Variants in TDRD5 observed in about 807,000 individuals in gnomAD.
TDRD5 encodes tudor domain-containing protein 5.
A neutral mutation model predicts 120.6 loss-of-function variants in TDRD5; 41 were observed. That is an observed-to-expected ratio of 0.34 (90% confidence interval 0.26 to 0.44). TDRD5 has a LOEUF of 0.44. Ranked by LOEUF, TDRD5 falls within the 20% of genes least tolerant of loss-of-function variation. The pLI is 1.00. For synonymous variants in TDRD5, 430 were observed against 433.7 expected (o/e 0.99, Z 0.11); for missense variants, 1,006 against 1,221.2 (o/e 0.82, Z 2.63).
chr1:179,595,595 A>G (rs1675345809), intron 3 of TDRD5, 33 bp from the exon 4 acceptor site: 6 of 1,520,200 alleles, frequency 3.9e-6, no homozygotes, highest in African/African-American at 1.4e-5. Context: ...TGCTAGTGAC[A>G]ATTTTTCTTT....
intron 6 of TDRD5, among the ~76,000 whole-genome samples, chr1:179,630,133 G>A (rs1677354299): frequency 6.6e-6 from 1 of 152,092 alleles, no homozygotes; most frequent in Admixed American, 6.5e-5. Context: ...GAGTAGCTGG[G>A]ACTACAGGTG....
Position 179,639,719 on chromosome 1 carries a change from G to A in TDRD5, c.1521-120G>A, listed in dbSNP as rs541851682. The A allele has an allele frequency of 3.5e-5, 36 of 1,020,642 alleles. No homozygotes were observed. In the African/African-American group the frequency reaches 4.7e-4, roughly 13 times the overall value. The allele number at this position is 1,020,642 out of a possible 1,614,324, so 63.2% of individuals were successfully genotyped here. On this transcript the variant is annotated intron_variant, in intron 9 of 17. Coordinates refer to ENST00000444136, the MANE Select transcript of TDRD5 (RefSeq NM_001199085.3). ...TGGTATTAATGAGCATTAACAATTT[G>A]ACAAAGTCAATTTTCTTTTCTTTGC...
At chr1:179,633,634 G>A (rs1677587692) in intron 7 of TDRD5, among the ~76,000 whole-genome samples, 1 of 151,960 alleles carries the variant, frequency 6.6e-6, no homozygotes, top group Non-Finnish European at 1.5e-5. Flanking sequence ...ACAGGTGTGA[G>A]CCACTGAACC....
At chr1:179,645,307 G>C (rs528170306) in intron 11 of TDRD5, among the ~76,000 whole-genome samples, 2 of 151,394 alleles carry the variant, frequency 1.3e-5, no homozygotes, top group Non-Finnish European at 2.9e-5. Context: ...GGATGGTCTC[G>C]ATCTCCTGAC....
chr1:179,650,590 G>A (rs1161578307), intron 11 of TDRD5, among the ~76,000 whole-genome samples: 1 of 151,776 alleles, frequency 6.6e-6, no homozygotes, highest in Non-Finnish European at 1.5e-5. Flanking sequence ...TCTGTGGGAG[G>A]GTTGGTCTAA....
rs1437973760 is a variant in TDRD5 at position 179,662,219 on chromosome 1, C to G, written c.2438C>G (p.Ser813Cys). The G allele has an allele frequency of 1.9e-6, 3 of 1,611,646 alleles. No homozygotes were observed. The highest frequency in any genetic ancestry group is 2.7e-5 in the African/African-American group (2 of 74,782). ...ATGGGAAAAGGAGGTGATGCTGCCT[C>G]CCATCTATTTACTGCAAGCCTTGGT... ...AKMGKGGDAASHLFTASLGGK... is the reference protein window; with the variant it reads ...AKMGKGGDAACHLFTASLGGK... Residue 813 changes from serine to cysteine, a missense_variant, in exon 15 of 18, where the codon TCC becomes TGC. Transcript: ENST00000444136.
At chr1:179,688,271 C>G (rs1302279974) in intron 17 of TDRD5, among the ~76,000 whole-genome samples, 1 of 152,112 alleles carries the variant, frequency 6.6e-6, no homozygotes, top group Non-Finnish European at 1.5e-5. Flanking sequence ...ATTTGCTTGT[C>G]TGTAAAGGAT....
Position 179,592,852 on chromosome 1 carries a change from G to A in TDRD5, c.232+5G>A. The A allele has an allele frequency of 6.2e-7, 1 of 1,613,540 alleles. No individual in the cohort carries two copies. The highest frequency in any genetic ancestry group is 8.5e-7 in the Non-Finnish European group (1 of 1,179,596). On this transcript the variant is annotated splice_donor_5th_base_variant and intron_variant, in intron 2 of 17. Coordinates refer to ENST00000444136, the MANE Select transcript of TDRD5 (RefSeq NM_001199085.3). ...GTGGTACTGTAATACTGAAAGGTAG[G>A]TTTAAGATTTTTGAAGGTCTATAAA...
In TDRD5 at chr1:179,691,002, C is replaced by A; in HGVS notation, c.*59C>A. 6.4e-7 allele frequency: 1 copy of A among 1,551,512 alleles called. No individual in the cohort carries two copies. The highest frequency in any genetic ancestry group is 8.7e-7 in the Non-Finnish European group (1 of 1,154,014). On this transcript the variant is annotated 3_prime_UTR_variant, in exon 18 of 18. Coordinates refer to ENST00000444136, the MANE Select transcript of TDRD5 (RefSeq NM_001199085.3). Reference sequence around the variant, plus strand: ...AGCCGCTTAGGCTTTGATGAACTCCCAGGCCAAAATGAGGAGTTATTGAAG... The same window carrying A: ...AGCCGCTTAGGCTTTGATGAACTCCAAGGCCAAAATGAGGAGTTATTGAAG...
intron 4 of TDRD5, among the ~76,000 whole-genome samples, chr1:179,611,465 T>C (rs1382711137): frequency 6.6e-6 from 1 of 152,154 alleles, no homozygotes; most frequent in Non-Finnish European, 1.5e-5. Flanking sequence ...GTTGTTTCAA[T>C]AGTTTTCCCA....
intron 17 of TDRD5, among the ~76,000 whole-genome samples, chr1:179,680,717 A>G (rs1049159585): frequency 1.3e-5 from 2 of 152,188 alleles, no homozygotes; most frequent in African/African-American, 4.8e-5. Context: ...TAATCCCAGC[A>G]TTTTGAGAGA....
At chr1:179,667,962 T>C (rs769542884) in intron 16 of TDRD5, among the ~76,000 whole-genome samples, 14 of 152,220 alleles carry the variant, frequency 9.2e-5, no homozygotes, top group Non-Finnish European at 2.1e-4. Flanking sequence ...GTTTGTACAA[T>C]TATTGTTTCA....
intron 4 of TDRD5, among the ~76,000 whole-genome samples, chr1:179,617,207 G>A (rs1439016403): frequency 6.6e-6 from 1 of 152,118 alleles, no homozygotes; most frequent in Admixed American, 6.5e-5. Context: ...AAACTTGATA[G>A]GGAGCCATGT....
rs1677394470 is a variant in TDRD5, at chr1:179,630,798, A to C, written c.1004A>C (p.Lys335Thr). ...VIFKEQLSPKKLGFLNVTELV... is the reference protein window; with the variant it reads ...VIFKEQLSPKTLGFLNVTELV... ...TTTAAAGAGCAACTATCACCAAAAAAATTAGGCTTCTTAAATGTGACAGAA... is the reference window on the plus strand; with the variant it reads ...TTTAAAGAGCAACTATCACCAAAAACATTAGGCTTCTTAAATGTGACAGAA... The change falls in exon 7 of 18, where the codon AAA (lysine) becomes ACA (threonine). Residue 335 changes from lysine (K) to threonine (T), a missense_variant. Physicochemically the swap from Lys to Thr is moderately conservative, Grantham distance 78. Coordinates refer to ENST00000444136, the MANE Select transcript of TDRD5 (RefSeq NM_001199085.3). 6.2e-7 allele frequency: 1 copy of C among 1,613,762 alleles called. No homozygotes were observed. The highest frequency in any genetic ancestry group is 8.5e-7 in the Non-Finnish European group (1 of 1,179,920).
chr1:179,628,384 G>A (rs1677256290), intron 6 of TDRD5, among the ~76,000 whole-genome samples: 1 of 132,980 alleles, frequency 7.5e-6, no homozygotes, highest in Admixed American at 8.4e-5. Context: ...AAGCTGGAGT[G>A]CAGTGGTACA....
chr1:179,625,391 G>A (rs1210890373), intron 6 of TDRD5, among the ~76,000 whole-genome samples: 1 of 152,090 alleles, frequency 6.6e-6, no homozygotes, highest in South Asian at 2.1e-4. Flanking sequence ...ACCACAGACT[G>A]GGAAGAAATA....
intron 16 of TDRD5, among the ~76,000 whole-genome samples, chr1:179,665,353 T>A (rs1679506958): frequency 1.3e-5 from 2 of 152,184 alleles, no homozygotes; most frequent in South Asian, 4.1e-4. Flanking sequence ...ACTTGTGTTT[T>A]CACCTAAGCA....
intron 11 of TDRD5, among the ~76,000 whole-genome samples, chr1:179,642,486 G>A (rs35599523): frequency 0.14 from 21,231 of 152,164 alleles, 2,022 homozygotes; most frequent in Non-Finnish European, 0.2. Context: ...GTAATCTCAC[G>A]ATTGTCCTTC....
At chr1:179,592,924 C>A in intron 2 of TDRD5, 77 bp downstream of exon 2, 2 of 1,385,660 alleles carry the variant, frequency 1.4e-6, no homozygotes, top group East Asian at 2.4e-5. Flanking sequence ...TCTAGTTCTG[C>A]AGTTATTATG....
Sources: allele counts gnomAD v4.1 joint callset (sites outside exome capture counted in the v4.1 genomes callset), GRCh38; gene constraint gnomAD v4.1.1; transcripts MANE v1.5; gene names NCBI Gene and HGNC (gene_info 2026-07-23, HGNC 2026-07-21).